Variants in ZNF337 observed in about 807,000 individuals in gnomAD.
ZNF337 encodes the protein zinc finger protein 337.
In ZNF337, 8 loss-of-function variants were observed where a neutral mutation model predicts 12.1. The ratio of observed to expected loss-of-function variants is 0.66; its 90% CI spans 0.39 to 1.19. The LOEUF is 1.19. Among genes scored for constraint, ZNF337 ranks in the 50% most tolerant of loss-of-function variants. ZNF337 has a pLI of 0.01. For synonymous variants in ZNF337, 336 were observed against 320.0 expected (o/e 1.05, Z -0.53); for missense variants, 882 against 896.6 (o/e 0.98, Z 0.21).
At chr20:25,685,724 TG>T (rs1261675767) in intron 3 of ZNF337, 62 bp from the exon 4 acceptor site, 16 of 1,459,542 alleles carry the variant, frequency 1.1e-5, no homozygotes, top group Non-Finnish European at 1.5e-5. Context: ...GGCCATTTGC[TG>T]GAGCCACCCA....
intron 1 of ZNF337, 73 bp downstream of exon 1, chr20:25,696,686 C>G: frequency 1.0e-6 from 1 of 956,284 alleles, no homozygotes; most frequent in Non-Finnish European, 1.2e-6. Flanking sequence ...CCTCACGTCC[C>G]AGGCCTTCCC....
chr20:25,678,070 G>C (rs767305519), intron 4 of ZNF337: 5 of 152,108 alleles, frequency 3.3e-5, no homozygotes, highest in Non-Finnish European at 7.4e-5. Flanking sequence ...AATAAGGCAA[G>C]AAAAGGAAAT....
intron 1 of ZNF337, among the ~76,000 whole-genome samples, 161 bp downstream of exon 1, chr20:25,696,598 G>T (rs945026683): frequency 6.6e-6 from 1 of 152,238 alleles, no homozygotes; most frequent in African/African-American, 2.4e-5. Context: ...ACTTCAAGGC[G>T]CGGCCTGGGT....
In ZNF337 at chr20:25,674,743, C is replaced by A; in HGVS notation, c.*289G>T. 1 of 424,072 alleles carries A rather than the reference C, an allele frequency of 2.4e-6. No homozygotes were observed. The highest frequency in any genetic ancestry group is 4.3e-6 in the Non-Finnish European group (1 of 233,970). The allele number at this position is 424,072 out of a possible 1,614,324, so 26.3% of individuals were successfully genotyped here. The stretch of plus-strand genomic sequence containing the variant: ...AAGAGCAGTCCTTAGAAAGCACAGC[C>A]TGGCACAAATACAACAAGAATATGT... On this transcript the variant is annotated 3_prime_UTR_variant, in exon 5 of 5. Transcript: ENST00000252979.
chr20:25,685,527 G>C (rs367806830), intron 4 of ZNF337, 40 bp downstream of exon 4: 13 of 1,548,020 alleles, frequency 8.4e-6, no homozygotes, highest in Non-Finnish European at 1.2e-5. Flanking sequence ...CCTGAAAGGC[G>C]GAGTGCCTTG....
At chr20:25,696,087 T>G (rs1469080479) in intron 1 of ZNF337, among the ~76,000 whole-genome samples, 11 of 52,106 alleles carry the variant, frequency 2.1e-4, no homozygotes, top group South Asian at 2.3e-3. Context: ...CCCACGCAGA[T>G]CCCCCCCCCC....
At position 25,676,314 on chromosome 20, in the gene ZNF337, C is replaced by A; in HGVS notation, c.974G>T (p.Cys325Phe). The part of the protein sequence containing the change: ...SGEKPFVCKE[C>F]GRGYTNKSYF... ...TGACTTATTAGTATAGCCTCGCCCA[C>A]ACTCCTTGCACACAAAAGGCTTCTC... Residue 325 changes from cysteine (C) to phenylalanine (F), a missense_variant, in exon 5 of 5, where the codon TGT (cysteine) becomes TTT (phenylalanine). Transcript: ENST00000252979. 6.2e-7 allele frequency: 1 copy of A among 1,614,202 alleles called. No homozygotes were observed. Among genetic ancestry groups the A allele is most frequent in the South Asian group, 1.1e-5 (1 of 91,090 alleles).
In ZNF337 at chr20:25,675,351, T is replaced by C. The variant is rs2065667514; in HGVS notation, c.1937A>G (p.His646Arg). ...GFNWKGNLLT[H>R]QRTHSGEKPF... Reference sequence around the variant, plus strand: ...CTTCTCCCCTGAGTGTGTCCTCTGGTGTGTGAGGAGATTTCCCTTCCAGTT... The same window carrying C: ...CTTCTCCCCTGAGTGTGTCCTCTGGCGTGTGAGGAGATTTCCCTTCCAGTT... The change falls in exon 5 of 5, where the codon CAC (histidine) becomes CGC (arginine). Residue 646 changes from histidine (H) to arginine (R), a missense_variant. His to Arg is a conservative substitution (Grantham distance 29). Coordinates refer to ENST00000252979, the MANE Select transcript of ZNF337 (RefSeq NM_015655.4). The C allele has an allele frequency of 6.2e-7, 1 of 1,614,114 alleles. No individual in the cohort carries two copies. The highest frequency in any genetic ancestry group is 1.3e-5 in the African/African-American group (1 of 74,946).
chr20:25,687,371 A>G (rs62211541), intron 1 of ZNF337, among the ~76,000 whole-genome samples: 24 of 152,352 alleles, frequency 1.6e-4, no homozygotes, highest in Admixed American at 2.6e-4. Context: ...ACTGTAAATT[A>G]AAGTGGTGGG....
chr20:25,684,473 C>T (rs2065804477), intron 4 of ZNF337, among the ~76,000 whole-genome samples: 1 of 152,110 alleles, frequency 6.6e-6, no homozygotes, highest in African/African-American at 2.4e-5. Context: ...AGTCAGGAAA[C>T]AACAGATGCT....
intron 4 of ZNF337, among the ~76,000 whole-genome samples, chr20:25,682,903 TAAAC>T (rs933439671): frequency 1.3e-5 from 2 of 152,102 alleles, no homozygotes; most frequent in Admixed American, 1.3e-4. Flanking sequence ...AAGGGTTTCT[TAAAC>T]AAGACATAAA....
chr20:25,693,168 C>T (rs920155858), intron 1 of ZNF337, among the ~76,000 whole-genome samples: 2 of 152,182 alleles, frequency 1.3e-5, no homozygotes, highest in Non-Finnish European at 2.9e-5. Context: ...CCTCCATCTC[C>T]TGGATTCAAG....
In ZNF337 at chr20:25,674,919, C is replaced by G; in HGVS notation, c.*113G>C. ...CAGGTTCTCTGTAGCCCTCTGGATT[C>G]TGTCTGCCTCTGTTATATCTTCACG... On this transcript the variant is annotated 3_prime_UTR_variant, in exon 5 of 5. Transcript: ENST00000252979. 1.1e-6 allele frequency: 1 copy of G among 949,966 alleles called. No homozygotes were observed. The highest frequency in any genetic ancestry group is 1.6e-6 in the Non-Finnish European group (1 of 638,608). 58.8% of individuals were successfully genotyped at this position (949,966 alleles called of 1,614,324 possible).
At chr20:25,680,260 AG>A (rs1447066025) in intron 4 of ZNF337, among the ~76,000 whole-genome samples, 1 of 152,204 alleles carries the variant, frequency 6.6e-6, no homozygotes, top group Non-Finnish European at 1.5e-5. Flanking sequence ...ATTTCAAAAT[AG>A]AAAAAAATGG....
At chr20:25,677,070 G>A in intron 4 of ZNF337, 33 bp from the exon 5 acceptor site, 1 of 1,493,872 alleles carries the variant, frequency 6.7e-7, no homozygotes, top group Non-Finnish European at 8.9e-7. Flanking sequence ...GACTGAATCA[G>A]TAACGAAAAG....
In ZNF337 at chr20:25,674,835, C is replaced by G; in HGVS notation, c.*197G>C. On this transcript the variant is annotated 3_prime_UTR_variant, in exon 5 of 5. Coordinates refer to ENST00000252979, the MANE Select transcript of ZNF337 (RefSeq NM_015655.4). ...AATGCCCTCCCCTCAACTGGCATCT[C>G]TGTTCCCTAAACATTGACCTCTTTT... The G allele has an allele frequency of 1.7e-6, 1 of 600,400 alleles. No individual in the cohort carries two copies. Among genetic ancestry groups the G allele is most frequent in the South Asian group, 2.1e-5 (1 of 46,746 alleles). The allele number at this position is 600,400 out of a possible 1,614,324, so 37.2% of individuals were successfully genotyped here.
At chr20:25,685,914 A>G (rs2065827135) in intron 3 of ZNF337, 82 bp downstream of exon 3, 3 of 1,533,908 alleles carry the variant, frequency 2.0e-6, no homozygotes, top group South Asian at 2.6e-5. Context: ...AGAAAACAAC[A>G]TTCTTGTCTC....
rs369174403 is a variant in ZNF337 at position 25,676,903 on chromosome 20, G to C, written c.385C>G (p.Pro129Ala). Reference sequence around the variant, plus strand: ...AGGGGTGGGCTGGAAAATGCCATGGGCTTAGTGCTTTTTTCTTTCTCTTGA... The same window carrying C: ...AGGGGTGGGCTGGAAAATGCCATGGCCTTAGTGCTTTTTTCTTTCTCTTGA... ...EGQEKEKSTK[P>A]MAFSSPPLRH... The change falls in exon 5 of 5, where the codon CCC (proline) becomes GCC (alanine). Residue 129 changes from proline to alanine, a missense_variant. Pro to Ala is a conservative substitution (Grantham distance 27). Coordinates refer to ENST00000252979, the MANE Select transcript of ZNF337 (RefSeq NM_015655.4). 3.1e-6 allele frequency: 5 copies of C among 1,614,012 alleles called. No individual in the cohort carries two copies. Among genetic ancestry groups the C allele is most frequent in the Non-Finnish European group, 4.2e-6 (5 of 1,180,042 alleles).
intron 4 of ZNF337, chr20:25,680,838 G>A (rs1469274430): frequency 6.6e-6 from 1 of 152,176 alleles, no homozygotes; most frequent in Non-Finnish European, 1.5e-5. Flanking sequence ...CCTCACTTAT[G>A]AGTTAAATAA....
Sources: gnomAD v4.1 joint callset for allele counts (sites outside exome capture counted in the v4.1 genomes callset) on GRCh38, gnomAD v4.1.1 for gene constraint, MANE v1.5 for transcripts, NCBI Gene and HGNC (gene_info 2026-07-23, HGNC 2026-07-21) for gene names.